ZNF92: variants seen among roughly 807,000 people sequenced by gnomAD.
ZNF92 encodes zinc finger protein 92.
In ZNF92, 11 loss-of-function variants were observed where a neutral mutation model predicts 12.4. That is an observed-to-expected ratio of 0.89 (90% CI 0.56 to 1.47). The LOEUF is 1.47. ZNF92 is among the 40% of genes most tolerant of loss of function. ZNF92 has a pLI of 0.00. For synonymous variants in ZNF92, 206 were observed against 228.6 expected (o/e 0.90, Z 0.89); for missense variants, 622 against 681.0 (o/e 0.91, Z 0.96).
In ZNF92 at chr7:65,373,950, A is replaced by G; in HGVS notation, c.-48A>G. Reference sequence around the variant, plus strand: ...CGCTGTGACCCTGTTACCTGCAAGAACTTGGAGGTTCACAGCTAAGACGCC... The same window carrying G: ...CGCTGTGACCCTGTTACCTGCAAGAGCTTGGAGGTTCACAGCTAAGACGCC... On this transcript the variant is annotated 5_prime_UTR_variant, in exon 1 of 4. Transcript: ENST00000328747. 6.2e-7 allele frequency: 1 copy of G among 1,613,598 alleles called. No homozygotes were observed. The highest frequency in any genetic ancestry group is 8.5e-7 in the Non-Finnish European group (1 of 1,179,746).
intron 3 of ZNF92, among the ~76,000 whole-genome samples, chr7:65,395,842 A>G (rs1190125577): frequency 6.6e-6 from 1 of 152,098 alleles, no homozygotes; most frequent in Non-Finnish European, 1.5e-5. Flanking sequence ...GATCTTTTTC[A>G]TTCTGTTACT....
intron 1 of ZNF92, among the ~76,000 whole-genome samples, chr7:65,375,036 T>C (rs978954509): frequency 6.6e-6 from 1 of 152,184 alleles, no homozygotes; most frequent in Admixed American, 6.5e-5. Context: ...GGCAAAGCAT[T>C]GGATGGCACG....
chr7:65,380,863 T>A (rs562140735), intron 1 of ZNF92, among the ~76,000 whole-genome samples: 15 of 152,082 alleles, frequency 9.9e-5, no homozygotes, highest in East Asian at 3.9e-4. Context: ...ACATCTATTA[T>A]TTTTTTGACT....
At chr7:65,380,505 C>G (rs1282406695) in intron 1 of ZNF92, among the ~76,000 whole-genome samples, 2 of 152,096 alleles carry the variant, frequency 1.3e-5, no homozygotes, top group Non-Finnish European at 2.9e-5. Flanking sequence ...CTCCTGAGCT[C>G]ACGCAATCCA....
At chr7:65,386,410 A>G (rs1179473148) in intron 1 of ZNF92, among the ~76,000 whole-genome samples, 1 of 152,132 alleles carries the variant, frequency 6.6e-6, no homozygotes, top group African/African-American at 2.4e-5. Flanking sequence ...GATCTTAAAA[A>G]TGTTCCCTTT....
chr7:65,398,418 A>G lies in ZNF92; in HGVS notation c.304A>G (p.Thr102Ala). 6.2e-7 allele frequency: 1 copy of G among 1,611,918 alleles called. No individual in the cohort carries two copies. Among genetic ancestry groups the G allele is most frequent in the South Asian group, 1.1e-5 (1 of 90,770 alleles). ...TTCTTTCCAAAAAGTGATACTGAGA[A>G]CATATGGAAAATATGGACATGAGAA... ...KDSFQKVILRTYGKYGHENLQ... is the reference protein window; with the variant it reads ...KDSFQKVILRAYGKYGHENLQ... Residue 102 changes from threonine (T) to alanine (A), a missense_variant, in exon 4 of 4, where the codon ACA (threonine) becomes GCA (alanine). Physicochemically the swap from Thr to Ala is moderately conservative, Grantham distance 58. Coordinates refer to ENST00000328747, the MANE Select transcript of ZNF92 (RefSeq NM_152626.4).
chr7:65,398,595 A>G lies in ZNF92; in HGVS notation c.481A>G (p.Asn161Asp), dbSNP rs766015615. The G allele has an allele frequency of 1.1e-5, 17 of 1,608,226 alleles. No homozygotes were observed. The highest frequency in any genetic ancestry group is 1.4e-5 in the Non-Finnish European group (16 of 1,178,328). The change falls in exon 4 of 4, where the codon AAT becomes GAT. Residue 161 changes from asparagine (N) to aspartate (D), a missense_variant. Physicochemically the swap from Asn to Asp is conservative, Grantham distance 23 (BLOSUM62 1). Transcript: ENST00000328747. ...AGTCTTTCATAAATTTCCAAATGTA[A>G]ATAGAAATAAGATAAGACATACTGG... The part of the protein sequence containing the change: ...VKVFHKFPNV[N>D]RNKIRHTGKK...
At chr7:65,397,034 A>C (rs1022565840) in intron 3 of ZNF92, among the ~76,000 whole-genome samples, 1 of 151,508 alleles carries the variant, frequency 6.6e-6, no homozygotes, top group Non-Finnish European at 1.5e-5. Context: ...TATTCTTCTA[A>C]GATTTCTCCC....
rs372428903 is a variant in ZNF92 at position 65,373,895 on chromosome 7, G to A, written c.-103G>A. ...CGGCGCTCCACGTCTAGTCTTCACT[G>A]CTCTGCGTCCTGTGCTGATAAAGGC... is the stretch of plus-strand genomic sequence containing the variant. On this transcript the variant is annotated 5_prime_UTR_variant, in exon 1 of 4. Coordinates refer to ENST00000328747, the MANE Select transcript of ZNF92 (RefSeq NM_152626.4). 1.3e-6 allele frequency: 2 copies of A among 1,531,320 alleles called. No homozygotes were observed. The highest frequency in any genetic ancestry group is 1.8e-6 in the Non-Finnish European group (2 of 1,105,284). 94.9% of individuals were successfully genotyped at this position (1,531,320 alleles called of 1,614,324 possible). A position where few individuals can be genotyped will look rare whatever the true frequency, so the allele number is the denominator to read the frequency against.
chr7:65,389,036 T>C, intron 3 of ZNF92, 135 bp downstream of exon 3: 1 of 600,916 alleles, frequency 1.7e-6, no homozygotes, highest in Non-Finnish European at 2.7e-6. Context: ...CTTGGCTTAC[T>C]GCAACCTCTG....
intron 3 of ZNF92, among the ~76,000 whole-genome samples, chr7:65,392,599 T>C (rs1288591631): frequency 1.3e-5 from 2 of 150,912 alleles, no homozygotes; most frequent in Non-Finnish European, 3.0e-5. Flanking sequence ...TACAATGGTG[T>C]CATCTCAGCT....
At chr7:65,397,737 TTTAG>T (rs1793879353) in intron 3 of ZNF92, among the ~76,000 whole-genome samples, 1 of 152,148 alleles carries the variant, frequency 6.6e-6, no homozygotes, top group Admixed American at 6.6e-5. Flanking sequence ...GTGTTTACTT[TTTAG>T]TTAAAGGAGT....
intron 3 of ZNF92, among the ~76,000 whole-genome samples, chr7:65,389,206 G>A (rs901787409): frequency 1.3e-5 from 2 of 151,948 alleles, no homozygotes; most frequent in African/African-American, 4.8e-5. Flanking sequence ...TGATCCGCCC[G>A]CCTCAGCCTT....
At chr7:65,389,022 T>G (rs1793643470) in intron 3 of ZNF92, 121 bp downstream of exon 3, 1 of 771,384 alleles carries the variant, frequency 1.3e-6, no homozygotes, top group Non-Finnish European at 1.9e-6. Context: ...TGCAAGGGTG[T>G]GATCTTGGCT....
chr7:65,377,885 AAAAC>A (rs1433589773), intron 1 of ZNF92, among the ~76,000 whole-genome samples: 1 of 152,168 alleles, frequency 6.6e-6, no homozygotes, highest in Non-Finnish European at 1.5e-5. Flanking sequence ...TTTCTAAAAT[AAAAC>A]AAAGTTAGAA....
intron 1 of ZNF92, among the ~76,000 whole-genome samples, chr7:65,381,364 G>T (rs1200169371): frequency 3.3e-5 from 5 of 149,788 alleles, no homozygotes; most frequent in African/African-American, 4.9e-5. Flanking sequence ...TTTTAATAAG[G>T]TTTTTTTTTT....
rs527819246 is a variant in ZNF92, at chr7:65,381,046, C to T, written c.4-6856C>T. 1.1e-3 allele frequency among the ~76,000 whole-genome samples: 171 copies of T among 151,994 alleles called. 3 individuals carry two copies. The highest frequency in any genetic ancestry group is 1.8e-3 in the Non-Finnish European group (119 of 67,988). ...TTTTCTTTTTGGAGATGGAGTCTCG[C>T]TCTGTTATCCAGGCTGGAGTGCAGT... is the stretch of plus-strand genomic sequence containing the variant. On this transcript the variant is annotated intron_variant, in intron 1 of 3. Coordinates refer to ENST00000328747, the MANE Select transcript of ZNF92 (RefSeq NM_152626.4).
intron 1 of ZNF92, among the ~76,000 whole-genome samples, chr7:65,377,332 C>T (rs1018043196): frequency 1.3e-5 from 2 of 152,002 alleles, no homozygotes; most frequent in African/African-American, 4.8e-5. Context: ...TGGGGAGCCT[C>T]CCCTGAAGAT....
In ZNF92 at chr7:65,398,250, T is replaced by G. The variant is rs1793894741; in HGVS notation, c.227-91T>G. Reference sequence around the variant, plus strand: ...TTTTGCTATGCCATCTTGCTTATGTTGTAGTTTGTACAATTTTATAGGTTA... The same window carrying G: ...TTTTGCTATGCCATCTTGCTTATGTGGTAGTTTGTACAATTTTATAGGTTA... On this transcript the variant is annotated intron_variant, in intron 3 of 3. Transcript: ENST00000328747. 4 of 1,097,456 alleles carry G rather than the reference T, an allele frequency of 3.6e-6. 1 individual carries two copies. The African/African-American group carries it at 6.3e-5, about 17-fold the overall frequency. 68.0% of individuals were successfully genotyped at this position (1,097,456 alleles called of 1,614,324 possible).
Sources: allele counts gnomAD v4.1 joint callset (sites outside exome capture counted in the v4.1 genomes callset), GRCh38; gene constraint gnomAD v4.1.1; transcripts MANE v1.5; gene names NCBI Gene and HGNC (gene_info 2026-07-23, HGNC 2026-07-21).